LLGL2: variants seen among roughly 807,000 people sequenced by gnomAD.
LLGL2 encodes the protein LLGL2, scribble cell polarity complex component.
In LLGL2, 81 loss-of-function variants were observed where a neutral mutation model predicts 123.2. The observed-to-expected ratio is 0.66, with a 90% confidence interval of 0.55 to 0.79. The LOEUF (loss-of-function observed/expected upper bound fraction) is 0.79, where lower values mean the gene tolerates loss of function less well. Among genes scored for constraint, LLGL2 ranks in the 30% least tolerant of loss-of-function variants. LLGL2 has a pLI of 0.00. For synonymous variants in LLGL2, 577 were observed against 594.1 expected (o/e 0.97, Z 0.42); for missense variants, 1,273 against 1,414.6 (o/e 0.90, Z 1.61).
chr17:75,574,061 G>C (rs112753782), intron 22 of LLGL2, 81 bp downstream of exon 22: 2 of 1,550,116 alleles, frequency 1.3e-6, no homozygotes, highest in East Asian at 2.4e-5. Flanking sequence ...GAAGGGTCCC[G>C]AGTGAGCAGG....
At position 75,571,989 on chromosome 17, in the gene LLGL2, G is replaced by T; in HGVS notation, c.2385G>T (p.Val795=). 6.2e-7 allele frequency: 1 copy of T among 1,612,886 alleles called. No individual in the cohort carries two copies. Among genetic ancestry groups the T allele is most frequent in the South Asian group, 1.1e-5 (1 of 91,074 alleles). Reference sequence around the variant, plus strand: ...TACCCCTTCCCGAGCCCCTCGAAGTGGCCCATGATCTGTCGAAGAGCCCTG... The same window carrying T: ...TACCCCTTCCCGAGCCCCTCGAAGTTGCCCATGATCTGTCGAAGAGCCCTG... ...HSVPLPEPLE[V]AHDLSKSPDM... is the part of the protein sequence containing the mutation. The change falls in exon 19 of 26, where the codon GTG becomes GTT. Residue 795 remains valine, a synonymous_variant. Transcript: ENST00000392550.
At chr17:75,540,459 G>C (rs566894917) in intron 1 of LLGL2, among the ~76,000 whole-genome samples, 1 of 152,168 alleles carries the variant, frequency 6.6e-6, no homozygotes, top group East Asian at 1.9e-4. Flanking sequence ...TCCCAGCCCC[G>C]TGTGGGAAGA....
chr17:75,573,628 C>A lies in LLGL2; in HGVS notation c.2873C>A (p.Ala958Asp). The A allele has an allele frequency of 6.2e-7, 1 of 1,607,680 alleles. No homozygotes were observed. Among genetic ancestry groups the A allele is most frequent in the African/African-American group, 1.3e-5 (1 of 74,976 alleles). ...GAGPKKAPSR[A>D]RNSGTQSDGE... The stretch of plus-strand genomic sequence containing the variant: ...GGCCCCAAGAAGGCCCCGAGCCGAG[C>A]CAGGTGAGTGAAAGGGCCAGAGGCC... The change falls in exon 21 of 26, where the codon GCC (alanine) becomes GAC (aspartate). Residue 958 changes from alanine (A) to aspartate (D), a missense_variant. By Grantham distance (126) the Ala-to-Asp change is moderately radical. Coordinates refer to ENST00000392550, the MANE Select transcript of LLGL2 (RefSeq NM_001031803.2).
intron 17 of LLGL2, 36 bp downstream of exon 17, chr17:75,571,136 A>G: frequency 2.5e-5 from 18 of 729,666 alleles, no homozygotes; most frequent in Non-Finnish European, 4.2e-5. Flanking sequence ...GGCAGGGGGT[A>G]GTGGGCAGCA....
intron 21 of LLGL2, 65 bp downstream of exon 21, chr17:75,573,696 G>A (rs1018017268): frequency 6.2e-6 from 6 of 961,462 alleles, no homozygotes; most frequent in African/African-American, 1.0e-4. Context: ...CTGAGATACC[G>A]AGGCTCCCAC....
At position 75,574,637 on chromosome 17, in the gene LLGL2, C is replaced by T. The variant is rs1126939; in HGVS notation, c.3024C>T (p.Ala1008=). The T allele has an allele frequency of 2.7e-5, 43 of 1,611,748 alleles. No homozygotes were observed. Among genetic ancestry groups the T allele is most frequent in the Admixed American group, 3.3e-5 (2 of 59,818 alleles). Residue 1008 remains alanine, a synonymous_variant, in exon 25 of 26, where the codon GCC becomes GCT. Transcript: ENST00000392550. ...GCGGCAACTGGCGTTCACATCGAGC[C>T]GCCGTGGGGTGCAGCCTCAGCAATG... ...RGSGNWRSHR[A]AVGCSLSNGG... is the part of the protein sequence containing the mutation.
rs985560031 is a variant in LLGL2, at chr17:75,571,195, G to C, written c.2176+95G>C. ...GCCGGGGGCTGCTGCCTGCCTGGCT[G>C]GTAGGAGCTAAGAGGTTTCCCCTTG... On this transcript the variant is annotated intron_variant, in intron 17 of 25. Coordinates refer to ENST00000392550, the MANE Select transcript of LLGL2 (RefSeq NM_001031803.2). The C allele has an allele frequency of 5.7e-6, 7 of 1,226,842 alleles. No individual in the cohort carries two copies. The African/African-American group carries it at 1.1e-4, about 18-fold the overall frequency. 76.0% of individuals were successfully genotyped at this position (1,226,842 alleles called of 1,614,324 possible).
At chr17:75,536,301 TCTC>T (rs2053998812) in intron 1 of LLGL2, among the ~76,000 whole-genome samples, 1 of 152,052 alleles carries the variant, frequency 6.6e-6, no homozygotes, top group Non-Finnish European at 1.5e-5. Flanking sequence ...ACTTGTCTCT[TCTC>T]CACATTCCTC....
In LLGL2 at chr17:75,558,841, ACCCCACCTCCT is replaced by A. The variant is rs1568051905; in HGVS notation, c.371+217_371+227del. On this transcript the variant is annotated intron_variant, in intron 5 of 25. Coordinates refer to ENST00000392550, the MANE Select transcript of LLGL2 (RefSeq NM_001031803.2). The surrounding 1 kb of genome is among the most constrained non-coding windows in gnomAD (Gnocchi z 4.0). Reference sequence around the variant, plus strand: ...TCCACACCACGCCTCCTCCATCCGCACCCCACCTCCTCCATCCGCACCCCGCCTCCTCCATC... The same window carrying A: ...TCCACACCACGCCTCCTCCATCCGCACCATCCGCACCCCGCCTCCTCCATC... The A allele has an allele frequency of 4.9e-4, 181 of 368,586 alleles. 16 individuals carry two copies. The highest frequency in any genetic ancestry group is 3.3e-3 in the African/African-American group (114 of 34,470). 22.8% of individuals were successfully genotyped at this position (368,586 alleles called of 1,614,324 possible). A position where few individuals can be genotyped will look rare whatever the true frequency, so the allele number is the denominator to read the frequency against.
chr17:75,525,468 G>C (rs1259867710), upstream of LLGL2, among the ~76,000 whole-genome samples: 1 of 151,888 alleles, frequency 6.6e-6, no homozygotes, highest in Non-Finnish European at 1.5e-5. This position sits in a 1 kb window ranked among gnomAD's most constrained non-coding sequence, Gnocchi z 4.8. Flanking sequence ...GCCGTTCTGC[G>C]TCCAGGTGCG....
intron 2 of LLGL2, among the ~76,000 whole-genome samples, chr17:75,550,823 G>C (rs2054639609): frequency 6.6e-6 from 1 of 150,716 alleles, no homozygotes; most frequent in Non-Finnish European, 1.5e-5. Context: ...CACAAACTAG[G>C]GGGCAACTGG....
intron 2 of LLGL2, 64 bp downstream of exon 2, chr17:75,543,565 T>TGAGGCACCTCTTA: frequency 7.4e-7 from 1 of 1,347,114 alleles, no homozygotes; most frequent in African/African-American, 1.4e-5. Flanking sequence ...AGGCTGGGGC[T>TGAGGCACCTCTTA]GAGGCACCTC....
Position 75,574,460 on chromosome 17 carries a change from G to A in LLGL2, c.2961G>A (p.Leu987=). 1.3e-6 allele frequency: 2 copies of A among 1,551,772 alleles called. No individual in the cohort carries two copies. The highest frequency in any genetic ancestry group is 1.2e-5 in the South Asian group (1 of 84,268). The change falls in exon 24 of 26, where the codon CTG becomes CTA. Residue 987 remains leucine, a synonymous_variant. Coordinates refer to ENST00000392550, the MANE Select transcript of LLGL2 (RefSeq NM_001031803.2). ...ERALLSDERV[L]KEIQSTLEGD... ...TTCCCACCCGGCCTGCAGGAGTCCT[G>A]AAGGAAATCCAGAGCACACTGGAGG...
Position 75,544,925 on chromosome 17 carries a change from G to A in LLGL2, c.75+1424G>A, listed in dbSNP as rs988053983. On this transcript the variant is annotated intron_variant, in intron 2 of 25. Transcript: ENST00000392550. The surrounding 1 kb of genome is among the most constrained non-coding windows in gnomAD (Gnocchi z 4.2). Reference sequence around the variant, plus strand: ...ATGGGGGTGCAGGTGTTGGGAATGGGAGATCTCAGGACACCTACAGCCTGC... The same window carrying A: ...ATGGGGGTGCAGGTGTTGGGAATGGAAGATCTCAGGACACCTACAGCCTGC... Among the ~76,000 whole-genome samples the A allele has an allele frequency of 6.6e-6, 1 of 152,126 alleles. No individual in the cohort carries two copies. The highest frequency in any genetic ancestry group is 2.4e-5 in the African/African-American group (1 of 41,402).
At chr17:75,556,267 C>T (rs62089184) in intron 3 of LLGL2, 124 bp downstream of exon 3, 10,168 of 750,170 alleles carry the variant, frequency 0.014, 100 homozygotes, top group Non-Finnish European at 0.018. Context: ...TCCTGATTTC[C>T]AGTTTTGGAC....
At chr17:75,526,351 C>T (rs186571248) in intron 1 of LLGL2, among the ~76,000 whole-genome samples, 1 of 152,374 alleles carries the variant, frequency 6.6e-6, no homozygotes, top group East Asian at 1.9e-4. Flanking sequence ...GGACTTCGGT[C>T]TCCGGCCTTT....
chr17:75,560,024 A>G (rs2055129588), intron 6 of LLGL2, among the ~76,000 whole-genome samples: 1 of 152,158 alleles, frequency 6.6e-6, no homozygotes, highest in Non-Finnish European at 1.5e-5. Context: ...TCATGGTGGA[A>G]TGATCTGTGG....
intron 19 of LLGL2, among the ~76,000 whole-genome samples, chr17:75,572,397 C>T (rs2055757811): frequency 6.6e-6 from 1 of 152,124 alleles, no homozygotes; most frequent in Admixed American, 6.5e-5. Context: ...GGCGCGGTGG[C>T]TCATGCCTGT....
chr17:75,529,943 G>A (rs1036439056), intron 1 of LLGL2, among the ~76,000 whole-genome samples: 3 of 152,142 alleles, frequency 2.0e-5, no homozygotes, highest in Non-Finnish European at 2.9e-5. Flanking sequence ...GTTCTTTGCC[G>A]AGTCCTTGCT....
Sources: gnomAD v4.1 joint callset for allele counts (sites outside exome capture counted in the v4.1 genomes callset) on GRCh38, gnomAD v4.1.1 for gene constraint, Gnocchi (gnomAD v3.1) non-coding constraint, MANE v1.5 for transcripts, NCBI Gene and HGNC (gene_info 2026-07-23, HGNC 2026-07-21) for gene names.